The following ASAP1 variants were observed in gnomAD, a reference collection of about 807,000 sequenced individuals.
ASAP1 encodes ArfGAP with SH3 domain, ankyrin repeat and PH domain 1.
Under a neutral mutation model 145.2 loss-of-function variants are expected in ASAP1, and 43 were observed. The ratio of observed to expected loss-of-function variants is 0.30; its 90% CI spans 0.23 to 0.38. The LOEUF (loss-of-function observed/expected upper bound fraction) is 0.38, where lower values mean the gene tolerates loss of function less well. ASAP1 is among the 10% of genes least tolerant of loss of function. The pLI, the probability that ASAP1 is intolerant of heterozygous loss-of-function variation, is 1.00. For missense variants in ASAP1, 1,018 were observed against 1,355.3 expected (o/e 0.75, Z 3.91); for synonymous variants, 546 against 515.5 (o/e 1.06, Z -0.80).
In ASAP1 at chr8:130,123,855, C is replaced by T. The variant is rs150371249; in HGVS notation, c.1607+158G>A. On this transcript the variant is annotated intron_variant, in intron 18 of 29. Coordinates refer to ENST00000518721, the MANE Select transcript of ASAP1 (RefSeq NM_018482.4). ...GTGTTAGCCAGGATGGTCTTGATCT[C>T]CTGACCTCGTGATCCGTTTGCCTCA... 1.6e-3 allele frequency among the ~76,000 whole-genome samples: 238 copies of T among 152,056 alleles called. 4 individuals are homozygous for T. The East Asian group carries it at 0.025, about 16-fold the overall frequency.
intron 3 of ASAP1, among the ~76,000 whole-genome samples, chr8:130,344,602 T>C (rs912245345): frequency 1.3e-5 from 2 of 152,260 alleles, no homozygotes; most frequent in African/African-American, 4.8e-5. Flanking sequence ...CTGGGCACAG[T>C]TGCTCATGCC....
intron 4 of ASAP1, among the ~76,000 whole-genome samples, 200 bp downstream of exon 4, chr8:130,236,722 C>T (rs1464139673): frequency 1.3e-5 from 2 of 152,092 alleles, no homozygotes; most frequent in East Asian, 1.9e-4. Flanking sequence ...GTGACTAATG[C>T]TTTTCTTCTT....
chr8:130,116,719 C>G lies in ASAP1; in HGVS notation c.2023G>C (p.Asp675His). The part of the protein sequence containing the change: ...IVNQAGETAL[D>H]IAKRLKATQC... ...GTAGCTTTTAGTCTCTTTGCTATGT[C>G]TAGGGCAGTTTCTCCAGCCTGGTTA... Residue 675 changes from aspartate (D) to histidine (H), a missense_variant, in exon 22 of 30, where the codon GAC becomes CAC. Transcript: ENST00000518721. 6.2e-7 allele frequency: 1 copy of G among 1,614,102 alleles called. No homozygotes were observed. The highest frequency in any genetic ancestry group is 1.1e-5 in the South Asian group (1 of 91,070).
intron 3 of ASAP1, among the ~76,000 whole-genome samples, chr8:130,266,715 A>G (rs572138360): frequency 6.6e-6 from 1 of 152,286 alleles, no homozygotes; most frequent in East Asian, 1.9e-4. Flanking sequence ...TACTGAATAC[A>G]TGACACAATT....
intron 12 of ASAP1, among the ~76,000 whole-genome samples, chr8:130,154,399 C>T (rs1361235461): frequency 6.6e-6 from 1 of 152,162 alleles, no homozygotes; most frequent in Non-Finnish European, 1.5e-5. Flanking sequence ...CAGGCACAGA[C>T]GAGACTGCAT....
At chr8:130,188,481 C>T (rs547265440) in intron 5 of ASAP1, among the ~76,000 whole-genome samples, 2 of 151,904 alleles carry the variant, frequency 1.3e-5, no homozygotes, top group South Asian at 4.1e-4. Flanking sequence ...CGCCTGTAAT[C>T]CCAGCACTTT....
At chr8:130,186,688 G>T (rs1286395732) in intron 7 of ASAP1, among the ~76,000 whole-genome samples, 1 of 152,104 alleles carries the variant, frequency 6.6e-6, no homozygotes, top group Admixed American at 6.6e-5. Flanking sequence ...AATGCTAGCT[G>T]GACACATAAC....
At chr8:130,221,754 T>C (rs1010554355) in intron 4 of ASAP1, among the ~76,000 whole-genome samples, 2 of 152,200 alleles carry the variant, frequency 1.3e-5, no homozygotes, top group Non-Finnish European at 2.9e-5. Context: ...TACCCTCCTC[T>C]ATACTCCATA....
At chr8:130,351,760 C>A (rs951805627) in intron 3 of ASAP1, among the ~76,000 whole-genome samples, 7 of 152,112 alleles carry the variant, frequency 4.6e-5, no homozygotes, top group African/African-American at 1.7e-4. Flanking sequence ...ATGAGGCATC[C>A]GCCCCCACGA....
intron 5 of ASAP1, among the ~76,000 whole-genome samples, chr8:130,203,351 C>A (rs138369687): frequency 2.0e-5 from 3 of 152,222 alleles, no homozygotes; most frequent in Non-Finnish European, 4.4e-5. Context: ...AAAGCACCCA[C>A]CTGGCTTGTA....
At chr8:130,228,146 C>G (rs1817693160) in intron 4 of ASAP1, among the ~76,000 whole-genome samples, 1 of 152,084 alleles carries the variant, frequency 6.6e-6, no homozygotes, top group Admixed American at 6.5e-5. Flanking sequence ...AACCAAGGTC[C>G]TGAGAAACGA....
At chr8:130,357,373 A>G (rs1826385777) in intron 3 of ASAP1, among the ~76,000 whole-genome samples, 1 of 152,342 alleles carries the variant, frequency 6.6e-6, no homozygotes, top group Non-Finnish European at 1.5e-5. Context: ...CTGGCGCAGC[A>G]GCCCTAAGCC....
intron 2 of ASAP1, among the ~76,000 whole-genome samples, chr8:130,383,017 G>A (rs1343030032): frequency 6.6e-6 from 1 of 152,164 alleles, no homozygotes; most frequent in Non-Finnish European, 1.5e-5. Context: ...ATGTGCAAAG[G>A]CACAGAGGCA....
At chr8:130,081,919 T>C (rs2097481430) in intron 25 of ASAP1, among the ~76,000 whole-genome samples, 1 of 152,170 alleles carries the variant, frequency 6.6e-6, no homozygotes, top group Admixed American at 6.5e-5. Flanking sequence ...ATGAGATAAA[T>C]AGTATAATCA....
intron 1 of ASAP1, among the ~76,000 whole-genome samples, chr8:130,421,646 G>C (rs1288591671): frequency 6.6e-6 from 1 of 152,224 alleles, no homozygotes; most frequent in Non-Finnish European, 1.5e-5. Context: ...GAATGTAGCA[G>C]AGGCCTAGGT....
At chr8:130,227,860 A>G (rs1391038743) in intron 4 of ASAP1, among the ~76,000 whole-genome samples, 1 of 152,106 alleles carries the variant, frequency 6.6e-6, no homozygotes, top group Non-Finnish European at 1.5e-5. Context: ...TGACCCCAAA[A>G]TGTTCAGAAT....
chr8:130,255,102 G>A (rs1819428124), intron 3 of ASAP1, among the ~76,000 whole-genome samples: 1 of 151,948 alleles, frequency 6.6e-6, no homozygotes. Flanking sequence ...AAATTATTCT[G>A]TTCACAGATC....
chr8:130,145,053 G>A (rs2097624565), intron 13 of ASAP1, among the ~76,000 whole-genome samples: 1 of 152,188 alleles, frequency 6.6e-6, no homozygotes, highest in African/African-American at 2.4e-5. Flanking sequence ...CTAAGACGTG[G>A]CGCTGAGGTT....
chr8:130,369,172 G>C (rs950240266), intron 2 of ASAP1, among the ~76,000 whole-genome samples: 4 of 152,134 alleles, frequency 2.6e-5, no homozygotes, highest in African/African-American at 9.7e-5. Context: ...GAAATGCTTG[G>C]GACCAGAAGT....
Sources: gnomAD v4.1 joint callset for allele counts (sites outside exome capture counted in the v4.1 genomes callset) on GRCh38, gnomAD v4.1.1 for gene constraint, MANE v1.5 for transcripts, NCBI Gene and HGNC (gene_info 2026-07-23, HGNC 2026-07-21) for gene names.